MPDZ: variants seen among roughly 807,000 people sequenced by gnomAD.
MPDZ encodes multiple PDZ domain crumbs cell polarity complex component.
Under a neutral mutation model 239.1 loss-of-function variants are expected in MPDZ, and 234 were observed. The observed-to-expected ratio is 0.98, with a 90% confidence interval of 0.88 to 1.09. The LOEUF is 1.09. MPDZ is among the 50% of genes least tolerant of loss of function. The probability of loss-of-function intolerance (pLI) is 0.00; values close to 1 mark genes in which losing one functional copy is unlikely to be tolerated. For synonymous variants in MPDZ, 1,048 were observed against 881.3 expected (o/e 1.19, Z -3.35); for missense variants, 3,175 against 2,510.0 (o/e 1.26, Z -5.66).
chr9:13,183,539 G>A lies in MPDZ; in HGVS notation c.2528C>T (p.Ser843Phe), dbSNP rs2134522060. 1 of 1,612,458 alleles carries A rather than the reference G, an allele frequency of 6.2e-7. No individual in the cohort carries two copies. Among genetic ancestry groups the A allele is most frequent in the East Asian group, 2.2e-5 (1 of 44,716 alleles). The change falls in exon 19 of 47, where the codon TCT (serine) becomes TTT (phenylalanine). Residue 843 changes from serine to phenylalanine, a missense_variant. Transcript: ENST00000319217. Reference sequence around the variant, plus strand: ...GCTGTCATTTTCAGGAGAGTATGGAGACTCAAATGTGGATTCATCTACTAA... The same window carrying A: ...GCTGTCATTTTCAGGAGAGTATGGAAACTCAAATGTGGATTCATCTACTAA... ...ADLVDESTFE[S>F]PYSPENDSIY...
At chr9:13,155,512 T>A (rs1428465548) in intron 24 of MPDZ, among the ~76,000 whole-genome samples, 1 of 152,110 alleles carries the variant, frequency 6.6e-6, no homozygotes, top group African/African-American at 2.4e-5. Context: ...TCTTTAAGTA[T>A]CAAGCTTGAT....
rs377281507 is a variant in MPDZ, at chr9:13,135,099, T to C, written c.4383+993A>G. On this transcript the variant is annotated intron_variant, in intron 31 of 46. Transcript: ENST00000319217. Reference sequence around the variant, plus strand: ...CCCAATGTACATTTTTACCAGGCTATCCAACAGGCACTTCGTTCTTAACCT... The same window carrying C: ...CCCAATGTACATTTTTACCAGGCTACCCAACAGGCACTTCGTTCTTAACCT... 4.2e-4 allele frequency: 64 copies of C among 152,344 alleles called. 1 individual carries two copies. The highest frequency in any genetic ancestry group is 1.4e-3 in the African/African-American group (60 of 41,586). 9.4% of individuals were successfully genotyped at this position (152,344 alleles called of 1,614,324 possible).
chr9:13,165,316 G>C, intron 22 of MPDZ: 3 of 1,530,140 alleles, frequency 2.0e-6, no homozygotes, highest in Non-Finnish European at 2.6e-6. Flanking sequence ...TGTTTTCACA[G>C]ACAAGTTGTA....
At chr9:13,211,616 A>C (rs1343154244) in intron 10 of MPDZ, among the ~76,000 whole-genome samples, 1 of 152,112 alleles carries the variant, frequency 6.6e-6, no homozygotes, top group Non-Finnish European at 1.5e-5. Flanking sequence ...TAAATGTTTC[A>C]TGTCCTTAAA....
Position 13,106,584 on chromosome 9 carries a change from C to G in MPDZ, c.*381G>C. 6.3e-6 allele frequency: 1 copy of G among 157,632 alleles called. No individual in the cohort carries two copies. Among genetic ancestry groups the G allele is most frequent in the Non-Finnish European group, 1.4e-5 (1 of 72,282 alleles). The allele number at this position is 157,632 out of a possible 1,614,324, so 9.8% of individuals were successfully genotyped here. A position where few individuals can be genotyped will look rare whatever the true frequency, so the allele number is the denominator to read the frequency against. Reference sequence around the variant, plus strand: ...GATTTTCTTCTTTATTTTATATTTTCATTTTTCATCCTAATTTACTGAAGC... The same window carrying G: ...GATTTTCTTCTTTATTTTATATTTTGATTTTTCATCCTAATTTACTGAAGC... On this transcript the variant is annotated 3_prime_UTR_variant, in exon 47 of 47. Transcript: ENST00000319217.
intron 1 of MPDZ, among the ~76,000 whole-genome samples, chr9:13,251,261 G>C (rs1967936879): frequency 6.6e-6 from 1 of 151,758 alleles, no homozygotes; most frequent in African/African-American, 2.4e-5. Context: ...GGAGTATACA[G>C]TGTTAAATTT....
chr9:13,212,287 C>T lies in MPDZ; in HGVS notation c.1290+4487G>A, dbSNP rs190773061. Among the ~76,000 whole-genome samples the T allele has an allele frequency of 1.4e-3, 213 of 152,098 alleles. 3 individuals carry two copies. Among genetic ancestry groups the T allele is most frequent in the Admixed American group, 0.014 (210 of 15,260 alleles). On this transcript the variant is annotated intron_variant, in intron 10 of 46. Coordinates refer to ENST00000319217, the MANE Select transcript of MPDZ (RefSeq NM_001378778.1). The stretch of plus-strand genomic sequence containing the variant: ...CACAGAAGAAACTGCTATAATGGAA[C>T]AGTCATGAACTTTTAAACCTAGACT...
chr9:13,116,875 T>C (rs953389070), intron 39 of MPDZ, among the ~76,000 whole-genome samples: 1 of 152,164 alleles, frequency 6.6e-6, no homozygotes, highest in Non-Finnish European at 1.5e-5. Context: ...AGATTGTATT[T>C]TACATAGTTG....
chr9:13,184,254 T>C (rs981409894), intron 18 of MPDZ, among the ~76,000 whole-genome samples: 2 of 151,964 alleles, frequency 1.3e-5, no homozygotes, highest in Admixed American at 6.6e-5. Context: ...CTGTCTTCTG[T>C]CACAGAATCA....
chr9:13,131,900 G>A (rs895839238), intron 32 of MPDZ, among the ~76,000 whole-genome samples: 1 of 152,140 alleles, frequency 6.6e-6, no homozygotes, highest in Non-Finnish European at 1.5e-5. Context: ...ATTGCCCAGA[G>A]AAGTTAAGTG....
intron 21 of MPDZ, among the ~76,000 whole-genome samples, chr9:13,170,204 T>C (rs1457970061): frequency 6.6e-6 from 1 of 152,106 alleles, no homozygotes; most frequent in African/African-American, 2.4e-5. Flanking sequence ...GGTTTTTATA[T>C]ATTTAAAAAA....
chr9:13,183,433 T>A lies in MPDZ; in HGVS notation c.2634A>T (p.Pro878=). Residue 878 remains proline (P), a synonymous_variant, in exon 19 of 47, where the codon CCA becomes CCT. Transcript: ENST00000319217. ...GDGLNYGSSL[P]SSPPKDVIEN... Reference sequence around the variant, plus strand: ...TCCTTTGTACCTTAGGAGGAGATGATGGAAGGGAAGAACCATAGTTCAGGC... The same window carrying A: ...TCCTTTGTACCTTAGGAGGAGATGAAGGAAGGGAAGAACCATAGTTCAGGC... The A allele has an allele frequency of 6.2e-7, 1 of 1,606,800 alleles. No homozygotes were observed. The highest frequency in any genetic ancestry group is 8.5e-7 in the Non-Finnish European group (1 of 1,177,470).
chr9:13,148,837 G>A (rs1298017399), intron 25 of MPDZ, among the ~76,000 whole-genome samples: 1 of 151,946 alleles, frequency 6.6e-6, no homozygotes, highest in Non-Finnish European at 1.5e-5. Flanking sequence ...AAAAGCCCTT[G>A]CAATATGGCA....
chr9:13,211,086 G>A (rs1358305898), intron 10 of MPDZ, among the ~76,000 whole-genome samples: 1 of 152,126 alleles, frequency 6.6e-6, no homozygotes, highest in Non-Finnish European at 1.5e-5. Flanking sequence ...TCAGTTCATA[G>A]CGGGCTTCTA....
Position 13,109,964 on chromosome 9 carries a change from T to C in MPDZ, c.5930A>G (p.Gln1977Arg). 6.2e-7 allele frequency: 1 copy of C among 1,612,526 alleles called. No individual in the cohort carries two copies. The highest frequency in any genetic ancestry group is 8.5e-7 in the Non-Finnish European group (1 of 1,179,404). ...TGTATGAACTCACCCTAAATCATCCTGAAATATACTGCTTGACGTCAGCCC... is the reference window on the plus strand; with the variant it reads ...TGTATGAACTCACCCTAAATCATCCCGAAATATACTGCTTGACGTCAGCCC... ...FTGLTSSSIF[Q>R]DDLGPPQCKS... The change falls in exon 45 of 47, where the codon CAG (glutamine) becomes CGG (arginine). Residue 1977 changes from glutamine to arginine, a missense_variant. Gln to Arg is a conservative substitution (Grantham distance 43, BLOSUM62 1). Coordinates refer to ENST00000319217, the MANE Select transcript of MPDZ (RefSeq NM_001378778.1).
At chr9:13,154,776 C>T (rs975472359) in intron 24 of MPDZ, among the ~76,000 whole-genome samples, 2 of 152,232 alleles carry the variant, frequency 1.3e-5, no homozygotes, top group Middle Eastern at 3.4e-3. Flanking sequence ...CTGATCAATC[C>T]TGTTATACCT....
chr9:13,186,921 G>C (rs886511077), intron 17 of MPDZ, among the ~76,000 whole-genome samples: 3 of 152,040 alleles, frequency 2.0e-5, no homozygotes, highest in Admixed American at 6.6e-5. Context: ...ATTCAATTTA[G>C]CATGGCTTAT....
chr9:13,186,478 G>C (rs1336169862), intron 17 of MPDZ, 92 bp from the exon 18 acceptor site: 8 of 842,704 alleles, frequency 9.5e-6, no homozygotes, highest in African/African-American at 1.7e-5. Context: ...AAAAGTGAGG[G>C]GGGCGAGAAG....
At chr9:13,198,784 T>TGTGTG (rs1491106957) in intron 12 of MPDZ, among the ~76,000 whole-genome samples, 12 of 149,194 alleles carry the variant, frequency 8.0e-5, no homozygotes, top group East Asian at 4.0e-4. Flanking sequence ...TGTGTGTGTG[T>TGTGTG]TTTAGGACAG....
Sources: gnomAD v4.1 joint callset for allele counts (sites outside exome capture counted in the v4.1 genomes callset) on GRCh38, gnomAD v4.1.1 for gene constraint, MANE v1.5 for transcripts, NCBI Gene and HGNC (gene_info 2026-07-23, HGNC 2026-07-21) for gene names.